CYP11A1: variants seen among roughly 807,000 people sequenced by gnomAD.
CYP11A1 encodes the protein cholesterol side-chain cleavage enzyme, mitochondrial.
CYP11A1 carries 25 observed loss-of-function variants against 51.9 expected under a neutral mutation model. That is an observed-to-expected ratio of 0.48 (90% CI 0.35 to 0.67). CYP11A1 has a LOEUF of 0.67. Among genes scored for constraint, CYP11A1 ranks in the 30% least tolerant of loss-of-function variants. The probability of loss-of-function intolerance (pLI) is 0.00; values close to 1 mark genes in which losing one functional copy is unlikely to be tolerated. For missense variants in CYP11A1, 578 were observed against 680.9 expected (o/e 0.85, Z 1.68); for synonymous variants, 245 against 262.1 (o/e 0.93, Z 0.63).
chr15:74,351,291 ATTGCGC>A (rs1251992693), intron 1 of CYP11A1, among the ~76,000 whole-genome samples: 1 of 152,188 alleles, frequency 6.6e-6, no homozygotes, highest in Non-Finnish European at 1.5e-5. Flanking sequence ...AAAGGGAATA[ATTGCGC>A]TGCCCCAAAG....
At position 74,352,426 on chromosome 15, in the gene CYP11A1, C is replaced by T. The variant is rs1012128718; in HGVS notation, c.270-4371G>A. 1.2e-4 allele frequency among the ~76,000 whole-genome samples: 18 copies of T among 152,064 alleles called. No individual in the cohort carries two copies. The East Asian group carries it at 1.4e-3, about 11-fold the overall frequency. ...CTGGGACCACAGGCACACGCCACCA[C>T]GCCCAGCTAATTTTTAAATTTTTTA... On this transcript the variant is annotated intron_variant, in intron 1 of 8. Transcript: ENST00000268053.
At chr15:74,360,802 C>T (rs1269613238) in intron 1 of CYP11A1, among the ~76,000 whole-genome samples, 1 of 152,104 alleles carries the variant, frequency 6.6e-6, no homozygotes, top group African/African-American at 2.4e-5. Flanking sequence ...ACTGGGGAGG[C>T]TGAGGCAGGA....
At chr15:74,364,771 C>T (rs1325151874) in intron 1 of CYP11A1, among the ~76,000 whole-genome samples, 1 of 152,126 alleles carries the variant, frequency 6.6e-6, no homozygotes, top group Non-Finnish European at 1.5e-5. Context: ...GCAAGGATAA[C>T]TAGAGATCTA....
Position 74,343,087 on chromosome 15 carries a change from C to T in CYP11A1, c.880G>A (p.Val294Ile), listed in dbSNP as rs141368586. The change falls in exon 5 of 9, where the codon GTT becomes ATT. Residue 294 changes from valine (V) to isoleucine (I), a missense_variant. Transcript: ENST00000268053. Reference protein sequence around the residue: ...FYWELRQKGSVHHDYRGILYR... With the variant: ...FYWELRQKGSIHHDYRGILYR... ...AGGATGCCACGGTAATCGTGGTGAA[C>T]ACTTCCTTTCTGTCTCAATTCCCAG... is the stretch of plus-strand genomic sequence containing the variant. 21 of 1,613,854 alleles carry T rather than the reference C, an allele frequency of 1.3e-5. No individual in the cohort carries two copies. The African/African-American group carries it at 2.7e-4, about 21-fold the overall frequency.
intron 1 of CYP11A1, among the ~76,000 whole-genome samples, chr15:74,348,811 C>T (rs966648312): frequency 2.0e-5 from 3 of 152,206 alleles, no homozygotes. Context: ...CGGCTCACTG[C>T]AGCCCTGACC....
chr15:74,352,965 G>A (rs903851638), intron 1 of CYP11A1, among the ~76,000 whole-genome samples: 1 of 152,162 alleles, frequency 6.6e-6, no homozygotes. Flanking sequence ...GTTGTGATAT[G>A]GGGAAATATG....
At chr15:74,358,132 C>T (rs2060689817) in intron 1 of CYP11A1, among the ~76,000 whole-genome samples, 1 of 152,230 alleles carries the variant, frequency 6.6e-6, no homozygotes, top group African/African-American at 2.4e-5. Context: ...GGCCGCTTTA[C>T]TTCCAAAGGA....
rs756853122 is a variant in CYP11A1, at chr15:74,339,756, G to T, written c.991-3C>A. The T allele has an allele frequency of 2.5e-6, 4 of 1,613,966 alleles. No homozygotes were observed. Among genetic ancestry groups the T allele is most frequent in the Non-Finnish European group, 1.7e-6 (2 of 1,180,030 alleles). On this transcript the variant is annotated splice_polypyrimidine_tract_variant and splice_region_variant and intron_variant, in intron 5 of 8. Transcript: ENST00000268053. ...TGCCACTGCAGGGTCATGGACGTCT[G>T]GTGGGGAGTAGGGTATACAGAAGAC...
chr15:74,355,647 C>T (rs58044340), intron 1 of CYP11A1, among the ~76,000 whole-genome samples: 3,330 of 152,246 alleles, frequency 0.022, 88 homozygotes, highest in African/African-American at 0.066. Flanking sequence ...TTCTATCACC[C>T]CCTCTCCCCA....
chr15:74,341,383 C>T (rs1178868616), intron 5 of CYP11A1, among the ~76,000 whole-genome samples: 1 of 152,226 alleles, frequency 6.6e-6, no homozygotes, highest in Non-Finnish European at 1.5e-5. Flanking sequence ...ATGGAAACTC[C>T]TTCATCAGAG....
rs200935336 is a variant in CYP11A1, at chr15:74,348,041, T to C, written c.284A>G (p.Asn95Ser). 1 of 1,614,174 alleles carries C rather than the reference T, an allele frequency of 6.2e-7. No individual in the cohort carries two copies. Among genetic ancestry groups the C allele is most frequent in the African/African-American group, 1.3e-5 (1 of 75,064 alleles). ...GTCGATGACATAAACCGACTCCACGTTGCCGAGCTTCTCCCTGGAGGGGTG... is the reference window on the plus strand; with the variant it reads ...GTCGATGACATAAACCGACTCCACGCTGCCGAGCTTCTCCCTGGAGGGGTG... ...YGPIYREKLGNVESVYVIDPE... is the reference protein window; with the variant it reads ...YGPIYREKLGSVESVYVIDPE... The change falls in exon 2 of 9, where the codon AAC (asparagine) becomes AGC (serine). Residue 95 changes from asparagine (N) to serine (S), a missense_variant. Asn to Ser is a conservative substitution (Grantham distance 46, BLOSUM62 1). Coordinates refer to ENST00000268053, the MANE Select transcript of CYP11A1 (RefSeq NM_000781.3).
In CYP11A1 at chr15:74,343,087, C is replaced by A; in HGVS notation, c.880G>T (p.Val294Phe). The change falls in exon 5 of 9, where the codon GTT (valine) becomes TTT (phenylalanine). Residue 294 changes from valine to phenylalanine, a missense_variant. Physicochemically the swap from Val to Phe is conservative, Grantham distance 50. Transcript: ENST00000268053. Reference protein sequence around the residue: ...FYWELRQKGSVHHDYRGILYR... With the variant: ...FYWELRQKGSFHHDYRGILYR... Reference sequence around the variant, plus strand: ...AGGATGCCACGGTAATCGTGGTGAACACTTCCTTTCTGTCTCAATTCCCAG... The same window carrying A: ...AGGATGCCACGGTAATCGTGGTGAAAACTTCCTTTCTGTCTCAATTCCCAG... 6.2e-7 allele frequency: 1 copy of A among 1,613,972 alleles called. No individual in the cohort carries two copies. The highest frequency in any genetic ancestry group is 8.5e-7 in the Non-Finnish European group (1 of 1,180,024).
intron 1 of CYP11A1, chr15:74,350,656 T>C (rs2060651858): frequency 6.6e-6 from 1 of 152,248 alleles, no homozygotes; most frequent in Admixed American, 6.5e-5. Flanking sequence ...GTAAATGACT[T>C]TGTAACTTTA....
intron 7 of CYP11A1, 27 bp from the exon 8 acceptor site, chr15:74,338,795 G>A (rs755072877): frequency 1.2e-6 from 2 of 1,608,266 alleles, no homozygotes; most frequent in East Asian, 4.5e-5. Flanking sequence ...AGAGGCCTGA[G>A]TAAGCCCCAC....
At chr15:74,364,931 C>A (rs2060725230) in intron 1 of CYP11A1, among the ~76,000 whole-genome samples, 1 of 152,184 alleles carries the variant, frequency 6.6e-6, no homozygotes, top group East Asian at 1.9e-4. Context: ...CACCAACCAG[C>A]TATCAAAAGG....
At chr15:74,343,609 A>G (rs1037625136) in intron 4 of CYP11A1, among the ~76,000 whole-genome samples, 180 bp downstream of exon 4, 11 of 152,036 alleles carry the variant, frequency 7.2e-5, no homozygotes, top group African/African-American at 2.7e-4. Context: ...ATAATCCCCA[A>G]CAGCCAGCCT....
chr15:74,362,098 G>C (rs1166795164), intron 1 of CYP11A1: 7 of 1,140,512 alleles, frequency 6.1e-6, no homozygotes, highest in African/African-American at 3.0e-5. Context: ...CTGTAGCTCA[G>C]GACAGCACCC....
At chr15:74,343,639 G>C in intron 4 of CYP11A1, 150 bp downstream of exon 4, 1 of 739,620 alleles carries the variant, frequency 1.4e-6, no homozygotes, top group Non-Finnish European at 2.4e-6. Context: ...CATTTCCAGG[G>C]GTCCCAGGGC....
chr15:74,357,763 G>T (rs2060687448), intron 1 of CYP11A1, among the ~76,000 whole-genome samples: 1 of 152,222 alleles, frequency 6.6e-6, no homozygotes, highest in African/African-American at 2.4e-5. Flanking sequence ...TACTGTTTTA[G>T]CCTAGCCCTC....
Sources: gnomAD v4.1 joint callset for allele counts (sites outside exome capture counted in the v4.1 genomes callset) on GRCh38, gnomAD v4.1.1 for gene constraint, MANE v1.5 for transcripts, NCBI Gene and HGNC (gene_info 2026-07-23, HGNC 2026-07-21) for gene names.